The following PTAFR variants were observed in gnomAD, a reference collection of about 807,000 sequenced individuals.
PTAFR encodes platelet-activating factor receptor.
PTAFR carries 8 observed loss-of-function variants against 14.7 expected under a neutral mutation model. The ratio of observed to expected loss-of-function variants is 0.54; its 90% CI spans 0.32 to 0.98. The LOEUF (loss-of-function observed/expected upper bound fraction) is 0.98, where lower values mean the gene tolerates loss of function less well. Ranked by LOEUF, PTAFR falls within the 50% of genes least tolerant of loss-of-function variation. The pLI, the probability that PTAFR is intolerant of heterozygous loss-of-function variation, is 0.04. For synonymous variants in PTAFR, 156 were observed against 176.5 expected (o/e 0.88, Z 0.92); for missense variants, 337 against 451.2 (o/e 0.75, Z 2.29).
At chr1:28,151,282 C>T (rs1572027888) in intron 1 of PTAFR, among the ~76,000 whole-genome samples, 1 of 151,848 alleles carries the variant, frequency 6.6e-6, no homozygotes, top group African/African-American at 2.4e-5. Flanking sequence ...CGGGTTCAAG[C>T]GATTCTCCTG....
rs1449222040 is a variant in PTAFR, at chr1:28,150,700, G to C, written c.322C>G (p.Leu108Val). 6.2e-7 allele frequency: 1 copy of C among 1,614,152 alleles called. No individual in the cohort carries two copies. The highest frequency in any genetic ancestry group is 1.7e-5 in the Admixed American group (1 of 60,008). ...AAGCGGTTATAAGTGATGACGCCCA[G>C]GAAGGCCACAGAGCAGTAGGTGTTG... ...FINTYCSVAF[L>V]GVITYNRFQA... is the part of the protein sequence containing the mutation. Residue 108 changes from leucine to valine, a missense_variant, in exon 2 of 2, where the codon CTG (leucine) becomes GTG (valine). Leu to Val is a conservative substitution (Grantham distance 32). Transcript: ENST00000373857. This position sits in a 1 kb window ranked among gnomAD's most constrained non-coding sequence, Gnocchi z 6.3.
intron 1 of PTAFR, among the ~76,000 whole-genome samples, chr1:28,173,335 G>T (rs1379436789): frequency 1.3e-5 from 2 of 150,102 alleles, no homozygotes; most frequent in Non-Finnish European, 3.0e-5. Flanking sequence ...GCCAGGCATG[G>T]TGGCTCACAT....
intron 1 of PTAFR, among the ~76,000 whole-genome samples, chr1:28,167,297 G>T (rs967147979): frequency 6.6e-6 from 1 of 152,116 alleles, no homozygotes; most frequent in African/African-American, 2.4e-5. Flanking sequence ...AATGGGCAAA[G>T]AACCTGAATA....
intron 1 of PTAFR, among the ~76,000 whole-genome samples, chr1:28,172,265 C>G (rs766840999): frequency 6.6e-5 from 10 of 152,176 alleles, no homozygotes; most frequent in Admixed American, 2.6e-4. Context: ...ATCCACCCAC[C>G]TCAACATCCC....
At chr1:28,169,496 A>G (rs1419298095) in intron 1 of PTAFR, among the ~76,000 whole-genome samples, 1 of 152,166 alleles carries the variant, frequency 6.6e-6, no homozygotes, top group Non-Finnish European at 1.5e-5. Context: ...TATTTAGAGA[A>G]CAGTGGTTAA....
At chr1:28,154,787 G>A in intron 1 of PTAFR, among the ~76,000 whole-genome samples, 1 of 141,948 alleles carries the variant, frequency 7.0e-6, no homozygotes, top group South Asian at 2.4e-4. Flanking sequence ...GCTCCAGCCT[G>A]GGTGACAGAG....
chr1:28,173,655 GA>G (rs771292788), intron 1 of PTAFR, among the ~76,000 whole-genome samples: 89 of 108,336 alleles, frequency 8.2e-4, no homozygotes, highest in Admixed American at 5.2e-3. Flanking sequence ...TGTCTCAAAA[GA>G]AAAAAAAAAA....
Position 28,150,141 on chromosome 1 carries a change from C to G in PTAFR, c.881G>C (p.Cys294Ser). 1 of 1,614,142 alleles carries G rather than the reference C, an allele frequency of 6.2e-7. No individual in the cohort carries two copies. The highest frequency in any genetic ancestry group is 1.7e-5 in the Admixed American group (1 of 60,014). Residue 294 changes from cysteine to serine, a missense_variant, in exon 2 of 2, where the codon TGT (cysteine) becomes TCT (serine). Physicochemically the swap from Cys to Ser is moderately radical, Grantham distance 112. Transcript: ENST00000373857. This position sits in a 1 kb window ranked among gnomAD's most constrained non-coding sequence, Gnocchi z 6.3. The part of the protein sequence containing the change: ...TNCVLDPVIY[C>S]FLTKKFRKHL... ...CTTGCGGAACTTCTTGGTGAGGAAA[C>G]AGTAGATAACAGGGTCTAAGACACA...
intron 1 of PTAFR, among the ~76,000 whole-genome samples, chr1:28,183,245 T>C (rs1299500586): frequency 1.3e-5 from 2 of 152,154 alleles, no homozygotes; most frequent in African/African-American, 4.8e-5. Context: ...GAAAGCTCTG[T>C]TAAATGACAG....
intron 1 of PTAFR, among the ~76,000 whole-genome samples, chr1:28,164,856 T>C (rs916979584): frequency 2.0e-5 from 3 of 152,114 alleles, no homozygotes; most frequent in African/African-American, 4.8e-5. Flanking sequence ...GGCCCTGCTT[T>C]TACCTTTGTT....
At chr1:28,174,118 A>G (rs116489629) in intron 1 of PTAFR, among the ~76,000 whole-genome samples, 1 of 152,106 alleles carries the variant, frequency 6.6e-6, no homozygotes, top group Admixed American at 6.5e-5. Flanking sequence ...CCCCGCTCTC[A>G]TCATGCTGTC....
At chr1:28,161,809 G>A (rs1383923702) in intron 1 of PTAFR, among the ~76,000 whole-genome samples, 1 of 152,134 alleles carries the variant, frequency 6.6e-6, no homozygotes, top group African/African-American at 2.4e-5. Flanking sequence ...TATCTTCAAA[G>A]GGGGGCCCTT....
chr1:28,153,470 G>A (rs979929840), intron 1 of PTAFR, among the ~76,000 whole-genome samples: 1 of 151,746 alleles, frequency 6.6e-6, no homozygotes, highest in Non-Finnish European at 1.5e-5. Flanking sequence ...AGTAGGCCAG[G>A]CGTGGTGGCT....
intron 1 of PTAFR, among the ~76,000 whole-genome samples, chr1:28,156,018 T>G (rs1255144247): frequency 1.3e-5 from 2 of 151,030 alleles, no homozygotes; most frequent in Non-Finnish European, 3.0e-5. Context: ...TACCAGCACT[T>G]TGGGAGGCCG....
chr1:28,150,840 A>G lies in PTAFR; in HGVS notation c.182T>C (p.Met61Thr). Reference protein sequence around the residue: ...EIKIFMVNLTMADMLFLITLP... With the variant: ...EIKIFMVNLTTADMLFLITLP... ...GGTGATCAAGAAGAGCATGTCCGCC[A>G]TGGTGAGGTTCACCATGAAGATCTT... The change falls in exon 2 of 2, where the codon ATG becomes ACG. Residue 61 changes from methionine (M) to threonine (T), a missense_variant. Transcript: ENST00000373857. This position sits in a 1 kb window ranked among gnomAD's most constrained non-coding sequence, Gnocchi z 6.3. The G allele has an allele frequency of 6.2e-7, 1 of 1,614,188 alleles. No individual in the cohort carries two copies. Among genetic ancestry groups the G allele is most frequent in the Non-Finnish European group, 8.5e-7 (1 of 1,180,042 alleles).
chr1:28,175,465 C>A lies in PTAFR; in HGVS notation c.-39+1127G>T, dbSNP rs1646503014. On this transcript the variant is annotated intron_variant, in intron 1 of 1. Transcript: ENST00000373857. ...CCCCTACCGCCTCCCCCAACACACA[C>A]ACCACCCCAAACACCTGGAACACAG... Among the ~76,000 whole-genome samples, 3 of 152,112 alleles carry A rather than the reference C, an allele frequency of 2.0e-5. No homozygotes were observed. The Middle Eastern group carries it at 0.01, about 517-fold the overall frequency.
chr1:28,181,952 T>C (rs1018583528), intron 1 of PTAFR, among the ~76,000 whole-genome samples: 4 of 151,444 alleles, frequency 2.6e-5, no homozygotes, highest in Non-Finnish European at 4.4e-5. Flanking sequence ...CTAAATAAAT[T>C]AACTACTTAA....
At position 28,168,574 on chromosome 1, in the gene PTAFR, A is replaced by C. The variant is rs1309755284; in HGVS notation, c.-39+8018T>G. Among the ~76,000 whole-genome samples, 3 of 152,288 alleles carry C rather than the reference A, an allele frequency of 2.0e-5. No individual in the cohort carries two copies. In the East Asian group the frequency reaches 5.8e-4, roughly 29 times the overall value. On this transcript the variant is annotated intron_variant, in intron 1 of 1. Coordinates refer to ENST00000373857, the MANE Select transcript of PTAFR (RefSeq NM_000952.5). Reference sequence around the variant, plus strand: ...TAAAGTAATCAAACGCATAGAACCAAAAGTAGAACGGTGGTTGCCAGGGGC... The same window carrying C: ...TAAAGTAATCAAACGCATAGAACCACAAGTAGAACGGTGGTTGCCAGGGGC...
intron 1 of PTAFR, among the ~76,000 whole-genome samples, chr1:28,189,278 A>T (rs1370048260): frequency 6.6e-6 from 1 of 152,214 alleles, no homozygotes; most frequent in Non-Finnish European, 1.5e-5. Flanking sequence ...GATCCTGTAC[A>T]TATGTTAAAA....
Sources: allele counts gnomAD v4.1 joint callset (sites outside exome capture counted in the v4.1 genomes callset), GRCh38; gene constraint gnomAD v4.1.1; non-coding constraint Gnocchi (gnomAD v3.1); transcripts MANE v1.5; gene names NCBI Gene and HGNC (gene_info 2026-07-23, HGNC 2026-07-21).